The following EXOC6B variants were observed in gnomAD, a reference collection of about 807,000 sequenced individuals.
EXOC6B encodes the protein exocyst complex component 6B.
Under a neutral mutation model 113.5 loss-of-function variants are expected in EXOC6B, and 54 were observed. The ratio of observed to expected loss-of-function variants is 0.48; its 90% CI spans 0.38 to 0.60. The LOEUF is 0.60. EXOC6B is among the 20% of genes least tolerant of loss of function. The pLI, the probability that EXOC6B is intolerant of heterozygous loss-of-function variation, is 0.00. For synonymous variants in EXOC6B, 357 were observed against 339.0 expected, an observed-to-expected ratio of 1.05 and a Z score of -0.58; for missense variants, 797 against 977.5, an observed-to-expected ratio of 0.82 and a Z score of 2.46.
intron 1 of EXOC6B, among the ~76,000 whole-genome samples, chr2:72,742,182 C>A (rs981906998): frequency 5.9e-5 from 9 of 152,178 alleles, no homozygotes; most frequent in Non-Finnish European, 1.2e-4. Flanking sequence ...GTTCCAAGCT[C>A]GTATCTACAA....
intron 6 of EXOC6B, among the ~76,000 whole-genome samples, chr2:72,717,902 C>T (rs1433947940): frequency 1.3e-5 from 2 of 152,140 alleles, no homozygotes; most frequent in Non-Finnish European, 2.9e-5. Flanking sequence ...ATTTACTGAA[C>T]ATCTACAGAG....
intron 1 of EXOC6B, among the ~76,000 whole-genome samples, chr2:72,784,376 G>A (rs895782788): frequency 5.3e-5 from 8 of 152,124 alleles, no homozygotes; most frequent in South Asian, 2.1e-4. Flanking sequence ...CTATTTATAT[G>A]AAAAATGACA....
chr2:72,777,321 A>G (rs1325172106), intron 1 of EXOC6B, among the ~76,000 whole-genome samples: 1 of 152,222 alleles, frequency 6.6e-6, no homozygotes, highest in Non-Finnish European at 1.5e-5. Flanking sequence ...AGGATCCTCA[A>G]TAAGATGAAC....
intron 20 of EXOC6B, among the ~76,000 whole-genome samples, chr2:72,236,716 C>A (rs1299931665): frequency 6.6e-6 from 1 of 152,034 alleles, no homozygotes. Context: ...TTCCTGGCAA[C>A]TTTTGATTTA....
intron 19 of EXOC6B, among the ~76,000 whole-genome samples, chr2:72,362,596 T>C (rs543563911): frequency 1.6e-4 from 24 of 152,300 alleles, no homozygotes; most frequent in South Asian, 4.1e-4. Flanking sequence ...ATTGATGGGC[T>C]CAGAGAGGTT....
chr2:72,677,705 T>C (rs1294965516), intron 6 of EXOC6B, among the ~76,000 whole-genome samples: 1 of 152,236 alleles, frequency 6.6e-6, no homozygotes, highest in Non-Finnish European at 1.5e-5. Flanking sequence ...CTTAAAGTAA[T>C]TTCATCAACA....
At chr2:72,284,944 G>A (rs1364008831) in intron 20 of EXOC6B, among the ~76,000 whole-genome samples, 4 of 151,996 alleles carry the variant, frequency 2.6e-5, no homozygotes. Context: ...ATCTACATGA[G>A]AAAAACTATG....
At chr2:72,488,597 A>G (rs1019511333) in intron 16 of EXOC6B, among the ~76,000 whole-genome samples, 3 of 152,164 alleles carry the variant, frequency 2.0e-5, no homozygotes, top group East Asian at 1.9e-4. Flanking sequence ...TGGTATATAC[A>G]GCCTTCTCGT....
At chr2:72,641,320 G>A (rs1418786988) in intron 6 of EXOC6B, among the ~76,000 whole-genome samples, 3 of 152,210 alleles carry the variant, frequency 2.0e-5, no homozygotes, top group South Asian at 2.1e-4. Flanking sequence ...AAGGGAAGCC[G>A]TGACAGACTG....
intron 6 of EXOC6B, among the ~76,000 whole-genome samples, chr2:72,689,665 C>T (rs1206998370): frequency 2.0e-5 from 3 of 152,166 alleles, no homozygotes; most frequent in African/African-American, 7.2e-5. Context: ...AGGATCCTTA[C>T]TCACACGCTT....
At chr2:72,820,407 T>TA in intron 1 of EXOC6B, among the ~76,000 whole-genome samples, 1 of 152,176 alleles carries the variant, frequency 6.6e-6, no homozygotes, top group African/African-American at 2.4e-5. Flanking sequence ...ATCATTAATA[T>TA]ACTTTATGTT....
At chr2:72,819,041 A>G (rs1282577788) in intron 1 of EXOC6B, among the ~76,000 whole-genome samples, 3 of 152,218 alleles carry the variant, frequency 2.0e-5, no homozygotes, top group Admixed American at 2.0e-4. Flanking sequence ...GGACTTGTCT[A>G]TATTGCTGCC....
chr2:72,252,081 A>T (rs533969237), intron 20 of EXOC6B, among the ~76,000 whole-genome samples: 2 of 152,122 alleles, frequency 1.3e-5, no homozygotes, highest in South Asian at 4.2e-4. Flanking sequence ...TTCCCTCTTT[A>T]CTGGATCATT....
chr2:72,815,454 C>T (rs536766529), intron 1 of EXOC6B, among the ~76,000 whole-genome samples: 1 of 150,250 alleles, frequency 6.7e-6, no homozygotes, highest in Non-Finnish European at 1.5e-5. Context: ...TTGCCCACTG[C>T]ACTCTAGCCA....
intron 6 of EXOC6B, among the ~76,000 whole-genome samples, chr2:72,676,029 T>C (rs889285083): frequency 1.3e-5 from 2 of 151,506 alleles, no homozygotes; most frequent in Non-Finnish European, 2.9e-5. Flanking sequence ...AAAGTTCTCA[T>C]TGAATAGAAG....
intron 11 of EXOC6B, among the ~76,000 whole-genome samples, chr2:72,510,181 T>C (rs980481604): frequency 6.6e-6 from 1 of 152,156 alleles, no homozygotes; most frequent in African/African-American, 2.4e-5. Flanking sequence ...AGATACAATT[T>C]CTGAAATTAG....
chr2:72,397,617 C>CAAAAA (rs1229846045), intron 18 of EXOC6B, among the ~76,000 whole-genome samples: 22 of 93,408 alleles, frequency 2.4e-4, no homozygotes, highest in African/African-American at 1.0e-3. Flanking sequence ...AACCTCATCT[C>CAAAAA]AAAAAAAAAA....
intron 17 of EXOC6B, among the ~76,000 whole-genome samples, chr2:72,479,607 A>G (rs1354217334): frequency 1.3e-5 from 2 of 152,208 alleles, no homozygotes; most frequent in African/African-American, 2.4e-5. Context: ...AAACCATATA[A>G]GTAGCCTATA....
intron 21 of EXOC6B, among the ~76,000 whole-genome samples, chr2:72,181,661 G>A (rs915479780): frequency 2.0e-5 from 3 of 152,182 alleles, no homozygotes; most frequent in Admixed American, 6.5e-5. Flanking sequence ...CAGCCCGCTG[G>A]CTTTTGGCTC....
Sources: allele counts gnomAD v4.1 joint callset (sites outside exome capture counted in the v4.1 genomes callset), GRCh38; gene constraint gnomAD v4.1.1; transcripts MANE v1.5; gene names NCBI Gene and HGNC (gene_info 2026-07-23, HGNC 2026-07-21).